CNTNAP2: variants seen among roughly 807,000 people sequenced by gnomAD.
CNTNAP2 encodes the protein contactin-associated protein-like 2.
A neutral mutation model predicts 155.2 loss-of-function variants in CNTNAP2; 98 were observed. The observed-to-expected ratio is 0.63, with a 90% CI of 0.54 to 0.75. The LOEUF is 0.75. Among genes scored for constraint, CNTNAP2 ranks in the 30% least tolerant of loss-of-function variants. The pLI is 0.00. For missense variants in CNTNAP2, 1,727 were observed against 1,688.1 expected, an observed-to-expected ratio of 1.02 and a Z score of -0.40; for synonymous variants, 651 against 631.2, an observed-to-expected ratio of 1.03 and a Z score of -0.47.
At chr7:146,337,207 A>G (rs1193637570) in intron 1 of CNTNAP2, among the ~76,000 whole-genome samples, 3 of 152,070 alleles carry the variant, frequency 2.0e-5, no homozygotes, top group Admixed American at 2.0e-4. Context: ...AAATGTTAGC[A>G]CTTACACAAG....
intron 9 of CNTNAP2, among the ~76,000 whole-genome samples, chr7:147,379,664 A>G (rs2116929400): frequency 6.6e-6 from 1 of 152,156 alleles, no homozygotes; most frequent in East Asian, 1.9e-4. Flanking sequence ...AATACAGACA[A>G]ATTTCCTTGT....
intron 3 of CNTNAP2, among the ~76,000 whole-genome samples, chr7:146,911,132 C>A (rs936315378): frequency 1.3e-5 from 2 of 152,004 alleles, no homozygotes; most frequent in African/African-American, 2.4e-5. Context: ...GTTAGAATGG[C>A]AATCATTAAA....
chr7:147,820,980 G>A (rs1798351053), intron 13 of CNTNAP2, among the ~76,000 whole-genome samples: 1 of 152,036 alleles, frequency 6.6e-6, no homozygotes, highest in Non-Finnish European at 1.5e-5. Context: ...TGGAAAAAAT[G>A]TACAGATTAA....
chr7:147,488,661 G>A (rs1482950630), intron 11 of CNTNAP2, among the ~76,000 whole-genome samples: 6 of 152,144 alleles, frequency 3.9e-5, no homozygotes, highest in South Asian at 2.1e-4. Flanking sequence ...ACACTAGCCC[G>A]GGCTTGGTCA....
chr7:147,652,098 G>A (rs565424749), intron 13 of CNTNAP2, among the ~76,000 whole-genome samples: 1 of 152,292 alleles, frequency 6.6e-6, no homozygotes, highest in Middle Eastern at 3.4e-3. Flanking sequence ...TTCAGAGACT[G>A]TATCTTTCCC....
At chr7:146,665,788 A>AAAAAAAAAAAAAAAC (rs1328734569) in intron 1 of CNTNAP2, among the ~76,000 whole-genome samples, 4 of 142,038 alleles carry the variant, frequency 2.8e-5, no homozygotes, top group Non-Finnish European at 4.5e-5. Flanking sequence ...CTCATTAAAA[A>AAAAAAAAAAAAAAAC]AAAAAAAAAA....
intron 21 of CNTNAP2, among the ~76,000 whole-genome samples, chr7:148,332,354 G>C (rs1371535316): frequency 6.6e-6 from 1 of 152,066 alleles, no homozygotes; most frequent in East Asian, 1.9e-4. Context: ...TTATTCTTAG[G>C]ATAATAGGAT....
Position 146,802,115 on chromosome 7 carries a change from T to C in CNTNAP2, c.208+27734T>C, listed in dbSNP as rs76499279. 3.8e-3 allele frequency among the ~76,000 whole-genome samples: 583 copies of C among 152,294 alleles called. 6 individuals carry two copies. Among genetic ancestry groups the C allele is most frequent in the African/African-American group, 0.013 (559 of 41,562 alleles). ...AGCAGCTTAAAACAACACCCACTTA[T>C]CAACTCACAGTTCTATAGGTCAGAA... On this transcript the variant is annotated intron_variant, in intron 2 of 23. Coordinates refer to ENST00000361727, the MANE Select transcript of CNTNAP2 (RefSeq NM_014141.6).
chr7:148,289,575 TCACACTCACACACACACA>T (rs2116478228), intron 21 of CNTNAP2, among the ~76,000 whole-genome samples: 2 of 68,462 alleles, frequency 2.9e-5, no homozygotes, highest in East Asian at 9.6e-4. Context: ...ACACACACAC[TCACACTCACACACACACA>T]CACACACACC....
intron 1 of CNTNAP2, among the ~76,000 whole-genome samples, chr7:146,711,350 A>G (rs1159949428): frequency 6.8e-6 from 1 of 147,296 alleles, no homozygotes; most frequent in African/African-American, 2.5e-5. Flanking sequence ...TAAAATATAT[A>G]TGTATAATAT....
intron 11 of CNTNAP2, among the ~76,000 whole-genome samples, chr7:147,554,132 T>G (rs1437171212): frequency 6.6e-6 from 1 of 152,184 alleles, no homozygotes; most frequent in Non-Finnish European, 1.5e-5. Flanking sequence ...AGCATGCCTG[T>G]TGGATTTTGT....
chr7:146,959,976 T>C (rs894049062), intron 3 of CNTNAP2, among the ~76,000 whole-genome samples: 1 of 152,126 alleles, frequency 6.6e-6, no homozygotes, highest in African/African-American at 2.4e-5. Context: ...AAAACTTGGC[T>C]GTCACAGGTA....
chr7:146,554,284 G>A (rs1173789283), intron 1 of CNTNAP2, among the ~76,000 whole-genome samples: 2 of 152,120 alleles, frequency 1.3e-5, no homozygotes, highest in African/African-American at 4.8e-5. Flanking sequence ...TCTAACGACA[G>A]TATTTGTCTT....
intron 3 of CNTNAP2, among the ~76,000 whole-genome samples, chr7:146,957,986 G>A (rs375984090): frequency 2.5e-4 from 38 of 152,232 alleles, no homozygotes; most frequent in African/African-American, 9.1e-4. Context: ...AATTTATAGT[G>A]AGGCATGACC....
At chr7:147,688,438 A>G (rs1415913553) in intron 13 of CNTNAP2, among the ~76,000 whole-genome samples, 1 of 152,128 alleles carries the variant, frequency 6.6e-6, no homozygotes, top group Non-Finnish European at 1.5e-5. Context: ...TATCTCTCCC[A>G]CACTTGAGCC....
chr7:148,066,546 G>T (rs529373078), intron 15 of CNTNAP2, among the ~76,000 whole-genome samples: 1 of 151,392 alleles, frequency 6.6e-6, no homozygotes, highest in Admixed American at 6.6e-5. Context: ...CGCCCAGGCC[G>T]GAGTGCAGTG....
chr7:146,532,805 C>T (rs1443080048), intron 1 of CNTNAP2, among the ~76,000 whole-genome samples: 1 of 151,986 alleles, frequency 6.6e-6, no homozygotes, highest in Non-Finnish European at 1.5e-5. Flanking sequence ...GCAGAATTGG[C>T]CAGGCGTGGT....
chr7:148,299,500 C>A (rs185419439), intron 21 of CNTNAP2, among the ~76,000 whole-genome samples: 1 of 152,274 alleles, frequency 6.6e-6, no homozygotes, highest in East Asian at 1.9e-4. Context: ...GATGCACCTC[C>A]AATGACCACG....
rs1285717427 is a variant in CNTNAP2 at position 146,785,651 on chromosome 7, A to T, written c.208+11270A>T. On this transcript the variant is annotated intron_variant, in intron 2 of 23. Coordinates refer to ENST00000361727, the MANE Select transcript of CNTNAP2 (RefSeq NM_014141.6). ...GTCGTAGCCAATTGGAATCTAGACT[A>T]TAATAGCAGATGAGTAACAACAACC... 6.6e-5 allele frequency among the ~76,000 whole-genome samples: 10 copies of T among 152,352 alleles called. 2 individuals are homozygous for T. Among genetic ancestry groups the T allele is most frequent in the Middle Eastern group, 6.8e-3 (2 of 294 alleles).
Sources: allele counts gnomAD v4.1 joint callset (sites outside exome capture counted in the v4.1 genomes callset), GRCh38; gene constraint gnomAD v4.1.1; transcripts MANE v1.5; gene names NCBI Gene and HGNC (gene_info 2026-07-23, HGNC 2026-07-21).